SIPA1L2: variants seen among roughly 807,000 people sequenced by gnomAD.
The protein encoded by SIPA1L2 is signal induced proliferation associated 1 like 2.
A neutral mutation model predicts 163.9 loss-of-function variants in SIPA1L2; 56 were observed. That is an observed-to-expected ratio of 0.34 (90% confidence interval 0.28 to 0.43). SIPA1L2 has a LOEUF of 0.43. Among genes scored for constraint, SIPA1L2 ranks in the 20% least tolerant of loss-of-function variants. The pLI is 1.00. For missense variants in SIPA1L2, 1,974 were observed against 2,193.5 expected, an observed-to-expected ratio of 0.90 and a Z score of 2.00; for synonymous variants, 877 against 865.7, an observed-to-expected ratio of 1.01 and a Z score of -0.23.
At chr1:232,629,253 C>T (rs993335678) in intron 1 of SIPA1L2, among the ~76,000 whole-genome samples, 2 of 152,206 alleles carry the variant, frequency 1.3e-5, no homozygotes, top group Admixed American at 6.5e-5. Context: ...TAGGTGTTCC[C>T]AGGGATATTC....
At chr1:232,589,576 C>A (rs1021424879) in intron 1 of SIPA1L2, among the ~76,000 whole-genome samples, 4 of 152,168 alleles carry the variant, frequency 2.6e-5, no homozygotes, top group Admixed American at 6.5e-5. Flanking sequence ...TAATTGGTAA[C>A]CTAAGGATAA....
chr1:232,529,634 G>C (rs1667878417), intron 2 of SIPA1L2, among the ~76,000 whole-genome samples: 1 of 152,166 alleles, frequency 6.6e-6, no homozygotes, highest in Non-Finnish European at 1.5e-5. Flanking sequence ...CCAGAGTTGT[G>C]CACCTTCTCA....
intron 2 of SIPA1L2, among the ~76,000 whole-genome samples, chr1:232,544,878 AG>A (rs1157636406): frequency 6.6e-6 from 1 of 152,206 alleles, no homozygotes; most frequent in Admixed American, 6.5e-5. Flanking sequence ...TCTCTAAAGC[AG>A]GGGGTCACTG....
intron 3 of SIPA1L2, among the ~76,000 whole-genome samples, chr1:232,511,182 G>A (rs887925115): frequency 3.9e-5 from 6 of 152,112 alleles, no homozygotes; most frequent in African/African-American, 1.4e-4. Flanking sequence ...TTTCACAGCA[G>A]AGACAAAAAA....
chr1:232,525,787 T>G (rs1667676891), intron 2 of SIPA1L2, among the ~76,000 whole-genome samples: 1 of 152,090 alleles, frequency 6.6e-6, no homozygotes, highest in Admixed American at 6.5e-5. Flanking sequence ...GTGGGACCAG[T>G]GAGGAAGCAC....
At chr1:232,448,485 T>C (rs1663347851) in intron 10 of SIPA1L2, among the ~76,000 whole-genome samples, 1 of 152,198 alleles carries the variant, frequency 6.6e-6, no homozygotes, top group African/African-American at 2.4e-5. Flanking sequence ...ATAGTAAAAG[T>C]TTCAGCCTTT....
chr1:232,547,898 G>A (rs1658136915), intron 2 of SIPA1L2, among the ~76,000 whole-genome samples: 1 of 152,102 alleles, frequency 6.6e-6, no homozygotes, highest in African/African-American at 2.4e-5. Flanking sequence ...GACTGTGAAT[G>A]CAGTGACAAA....
At chr1:232,619,030 A>G (rs767655220) in intron 1 of SIPA1L2, among the ~76,000 whole-genome samples, 67 of 152,196 alleles carry the variant, frequency 4.4e-4, no homozygotes, top group Middle Eastern at 3.2e-3. Context: ...TTGTTAATAA[A>G]ATGCATCTCT....
Position 232,515,137 on chromosome 1 carries a change from G to A in SIPA1L2, c.203C>T (p.Thr68Ile), listed in dbSNP as rs1486555025. ...CACACCCATCTTGGGCACAGCTGGG[G>A]TACCATTAGCCGGACCACCACCGCC... ...ETGGGGPANG[T>I]PAVPKMGVRA... Residue 68 changes from threonine (T) to isoleucine (I), a missense_variant, in exon 3 of 23, where the codon ACC becomes ATC. This residue lies in a region of SIPA1L2 where 607 missense variants were observed against 624.0 expected (regional missense o/e 0.97). Coordinates refer to ENST00000674635, the MANE Select transcript of SIPA1L2 (RefSeq NM_020808.5). 2 of 1,613,846 alleles carry A rather than the reference G, an allele frequency of 1.2e-6. No individual in the cohort carries two copies. The highest frequency in any genetic ancestry group is 1.7e-6 in the Non-Finnish European group (2 of 1,179,902).
At chr1:232,601,618 TCTGGATTCAGAAAAA>T (rs1661598248) in intron 1 of SIPA1L2, among the ~76,000 whole-genome samples, 2 of 152,206 alleles carry the variant, frequency 1.3e-5, no homozygotes, top group Admixed American at 1.3e-4. Flanking sequence ...TTGGGGATGT[TCTGGATTCAGAAAAA>T]CTGAAGACAT....
At chr1:232,535,905 T>C (rs1657276288) in intron 2 of SIPA1L2, among the ~76,000 whole-genome samples, 1 of 152,226 alleles carries the variant, frequency 6.6e-6, no homozygotes. Flanking sequence ...ATAAAAGAGA[T>C]TTAATGTTCC....
intron 1 of SIPA1L2, among the ~76,000 whole-genome samples, chr1:232,607,885 G>C (rs192118001): frequency 9.2e-5 from 14 of 151,596 alleles, no homozygotes; most frequent in Admixed American, 4.6e-4. Context: ...GAGAAACCCT[G>C]TTTCTACTAA....
In SIPA1L2 at chr1:232,479,615, G is replaced by T; in HGVS notation, c.2085+12C>A. ...ACTCAGCGTAAAAAGCTCCAGGCTG[G>T]GGAGGACATACCTGTTGTCTGTTGT... On this transcript the variant is annotated intron_variant, in intron 7 of 22. Coordinates refer to ENST00000674635, the MANE Select transcript of SIPA1L2 (RefSeq NM_020808.5). 6.2e-7 allele frequency: 1 copy of T among 1,608,496 alleles called. No individual in the cohort carries two copies. The highest frequency in any genetic ancestry group is 8.5e-7 in the Non-Finnish European group (1 of 1,175,106).
At chr1:232,583,339 G>T (rs945970126) in intron 1 of SIPA1L2, among the ~76,000 whole-genome samples, 3 of 152,156 alleles carry the variant, frequency 2.0e-5, no homozygotes, top group Admixed American at 6.6e-5. Context: ...AGCTGATACA[G>T]GTTTTTCCAT....
intron 1 of SIPA1L2, among the ~76,000 whole-genome samples, chr1:232,589,796 C>T (rs1660869011): frequency 6.6e-6 from 1 of 152,102 alleles, no homozygotes; most frequent in Admixed American, 6.5e-5. Flanking sequence ...AGTGCATTCA[C>T]ATATAGGCTC....
chr1:232,482,549 C>T (rs1321679413), intron 6 of SIPA1L2, among the ~76,000 whole-genome samples: 1 of 152,076 alleles, frequency 6.6e-6, no homozygotes, highest in Admixed American at 6.5e-5. Context: ...GGGCATTATA[C>T]ATATAATGTA....
At chr1:232,513,705 T>C in intron 3 of SIPA1L2, 152 bp downstream of exon 3, 3 of 749,460 alleles carry the variant, frequency 4.0e-6, no homozygotes, top group Non-Finnish European at 6.2e-6. Context: ...CTGGAAGCTA[T>C]GGAGGGACCA....
In SIPA1L2 at chr1:232,514,604, C is replaced by T. The variant is rs1167028057; in HGVS notation, c.736G>A (p.Ala246Thr). 6.2e-7 allele frequency: 1 copy of T among 1,614,092 alleles called. No individual in the cohort carries two copies. Among genetic ancestry groups the T allele is most frequent in the African/African-American group, 1.3e-5 (1 of 74,926 alleles). ...TCTCCCCTAGAAATCTGTGCTGCTG[C>T]ATGAAGGCTCGGAGAGATTGCAGGG... ...CDPAISPSLHAAAQISRGEFV... is the reference protein window; with the variant it reads ...CDPAISPSLHTAAQISRGEFV... The change falls in exon 3 of 23, where the codon GCA (alanine) becomes ACA (threonine). Residue 246 changes from alanine (A) to threonine (T), a missense_variant. Around this residue, in one of 3 missense-constraint regions of SIPA1L2, gnomAD observed 607 missense variants for 624.0 expected, o/e 0.97. Transcript: ENST00000674635.
At chr1:232,412,584 G>T (rs922188490) in intron 19 of SIPA1L2, among the ~76,000 whole-genome samples, 2 of 152,136 alleles carry the variant, frequency 1.3e-5, no homozygotes, top group African/African-American at 4.8e-5. Flanking sequence ...CTCTTTAAAA[G>T]TGCTAAGGAG....
Sources: gnomAD v4.1 joint callset for allele counts (sites outside exome capture counted in the v4.1 genomes callset) on GRCh38, gnomAD v4.1.1 for gene constraint, gnomAD v4.1.1 regional missense constraint, MANE v1.5 for transcripts, NCBI Gene and HGNC (gene_info 2026-07-23, HGNC 2026-07-21) for gene names.